STK32A: variants seen among roughly 807,000 people sequenced by gnomAD.
STK32A encodes the protein serine/threonine kinase 32A.
A neutral mutation model predicts 53.2 loss-of-function variants in STK32A; 41 were observed. The ratio of observed to expected loss-of-function variants is 0.77; its 90% CI spans 0.60 to 1.00. The LOEUF (loss-of-function observed/expected upper bound fraction) is 1.00. Ranked by LOEUF, STK32A falls within the 50% of genes least tolerant of loss-of-function variation. The pLI is 0.00. For synonymous variants in STK32A, 166 were observed against 162.8 expected (o/e 1.02, Z -0.15); for missense variants, 458 against 485.8 (o/e 0.94, Z 0.54).
chr5:147,235,394 A>C (rs1202656671), intron 1 of STK32A, among the ~76,000 whole-genome samples, 195 bp downstream of exon 1: 1 of 152,210 alleles, frequency 6.6e-6, no homozygotes, highest in Non-Finnish European at 1.5e-5. Flanking sequence ...GCACTGACTC[A>C]TGTGCAGACC....
intron 4 of STK32A, among the ~76,000 whole-genome samples, chr5:147,281,271 G>A (rs1752052788): frequency 6.6e-6 from 1 of 152,256 alleles, no homozygotes; most frequent in African/African-American, 2.4e-5. Context: ...TGATTTACCT[G>A]AAAAAGAATT....
At chr5:147,355,877 T>C (rs1386465798) in intron 7 of STK32A, among the ~76,000 whole-genome samples, 1 of 151,788 alleles carries the variant, frequency 6.6e-6, no homozygotes, top group Non-Finnish European at 1.5e-5. Context: ...TAGATATTTA[T>C]GGTTTATTTC....
intron 2 of STK32A, among the ~76,000 whole-genome samples, chr5:147,255,448 T>C (rs1318313722): frequency 1.3e-5 from 2 of 152,204 alleles, no homozygotes; most frequent in African/African-American, 2.4e-5. Context: ...CTATTACGGC[T>C]GCGAGGGAAG....
At chr5:147,328,284 C>G (rs1754700045) in intron 5 of STK32A, among the ~76,000 whole-genome samples, 1 of 152,110 alleles carries the variant, frequency 6.6e-6, no homozygotes, top group East Asian at 1.9e-4. Flanking sequence ...CCAGAAATGT[C>G]TAGTGTAGTG....
chr5:147,351,020 G>A (rs774347299), intron 6 of STK32A, 45 bp from the exon 7 acceptor site: 4 of 1,552,548 alleles, frequency 2.6e-6, no homozygotes, highest in Admixed American at 3.4e-5. Context: ...GTGCCACTGG[G>A]TTGAATGGGA....
intron 4 of STK32A, among the ~76,000 whole-genome samples, chr5:147,292,932 T>C (rs1380437303): frequency 6.6e-6 from 1 of 152,206 alleles, no homozygotes; most frequent in Non-Finnish European, 1.5e-5. Context: ...CTGTTTGATA[T>C]TGGGTTAGCA....
In STK32A at chr5:147,288,360, G is replaced by A. The variant is rs529618444; in HGVS notation, c.260+8962G>A. Among the ~76,000 whole-genome samples, 4 of 152,338 alleles carry A rather than the reference G, an allele frequency of 2.6e-5. No homozygotes were observed. The East Asian group carries it at 5.8e-4, about 22-fold the overall frequency. The stretch of plus-strand genomic sequence containing the variant: ...TTTTAGTAAGTACAATATATTCAAT[G>A]TAAGTTTATCTTTCCACATTTATAA... On this transcript the variant is annotated intron_variant, in intron 4 of 12. Coordinates refer to ENST00000397936, the MANE Select transcript of STK32A (RefSeq NM_001112724.2).
intron 4 of STK32A, among the ~76,000 whole-genome samples, chr5:147,302,500 T>C (rs1299845764): frequency 1.3e-5 from 2 of 152,208 alleles, no homozygotes; most frequent in Non-Finnish European, 2.9e-5. Flanking sequence ...AACAATCTGA[T>C]TAGTCAAAGT....
intron 2 of STK32A, among the ~76,000 whole-genome samples, chr5:147,246,247 G>A (rs1168672573): frequency 1.3e-5 from 2 of 152,126 alleles, no homozygotes; most frequent in Non-Finnish European, 2.9e-5. Context: ...CCAATTTATG[G>A]CAAGGGTTTT....
intron 5 of STK32A, among the ~76,000 whole-genome samples, chr5:147,337,633 A>G (rs1041804196): frequency 7.2e-5 from 11 of 151,990 alleles, no homozygotes; most frequent in Admixed American, 5.2e-4. Flanking sequence ...GGGTACTTTT[A>G]TGAGTCCAGG....
chr5:147,351,273 G>T, intron 7 of STK32A, 119 bp downstream of exon 7: 1 of 808,952 alleles, frequency 1.2e-6, no homozygotes, highest in Admixed American at 2.6e-5. Flanking sequence ...CTTTACCTGT[G>T]GAGCTTCTGA....
chr5:147,324,903 C>T (rs770698253), intron 5 of STK32A, among the ~76,000 whole-genome samples: 5 of 152,248 alleles, frequency 3.3e-5, no homozygotes, highest in South Asian at 4.1e-4. Context: ...CCAGGCACTC[C>T]TAGGTACTTT....
At chr5:147,330,266 G>T (rs1001924992) in intron 5 of STK32A, among the ~76,000 whole-genome samples, 1 of 152,168 alleles carries the variant, frequency 6.6e-6, no homozygotes, top group Non-Finnish European at 1.5e-5. Flanking sequence ...GTGGCTGTAG[G>T]ACCCATGGTG....
intron 4 of STK32A, among the ~76,000 whole-genome samples, chr5:147,311,109 A>C (rs1753672624): frequency 6.6e-6 from 1 of 152,160 alleles, no homozygotes; most frequent in Non-Finnish European, 1.5e-5. Flanking sequence ...GCTATAGTTT[A>C]TGTCTTGAAT....
intron 2 of STK32A, among the ~76,000 whole-genome samples, chr5:147,252,269 T>A (rs535623608): frequency 3.8e-4 from 58 of 152,356 alleles, no homozygotes; most frequent in African/African-American, 1.4e-3. Context: ...TTATTTATTT[T>A]TATAAAATAT....
chr5:147,296,959 CG>C (rs1158251529), intron 4 of STK32A, among the ~76,000 whole-genome samples: 3 of 152,122 alleles, frequency 2.0e-5, no homozygotes, highest in African/African-American at 7.2e-5. Flanking sequence ...TGCCTGGACT[CG>C]GCATGGACAG....
chr5:147,378,881 T>TTTTTTTTTTTTTTTG, intron 11 of STK32A, among the ~76,000 whole-genome samples: 1 of 126,362 alleles, frequency 7.9e-6, no homozygotes, highest in African/African-American at 2.9e-5. Context: ...TTTTTTTTTT[T>TTTTTTTTTTTTTTTG]GCTTAGGATT....
chr5:147,303,327 A>T (rs1753232112), intron 4 of STK32A, among the ~76,000 whole-genome samples: 1 of 152,158 alleles, frequency 6.6e-6, no homozygotes, highest in Non-Finnish European at 1.5e-5. Context: ...GTGATTCAAA[A>T]CTATCCATCT....
intron 8 of STK32A, among the ~76,000 whole-genome samples, chr5:147,369,643 A>G (rs1470606280): frequency 6.6e-6 from 1 of 152,174 alleles, no homozygotes; most frequent in Non-Finnish European, 1.5e-5. Context: ...GATTTACTAC[A>G]GGGAAAAACT....
Sources: allele counts gnomAD v4.1 joint callset (sites outside exome capture counted in the v4.1 genomes callset), GRCh38; gene constraint gnomAD v4.1.1; transcripts MANE v1.5; gene names NCBI Gene and HGNC (gene_info 2026-07-23, HGNC 2026-07-21).